The following DNAH9 variants were observed in gnomAD, a reference collection of about 807,000 sequenced individuals.
DNAH9 encodes the protein dynein axonemal heavy chain 9.
A neutral mutation model predicts 471.6 loss-of-function variants in DNAH9; 345 were observed. The observed-to-expected ratio is 0.73, with a 90% CI of 0.67 to 0.80. The LOEUF is 0.80. DNAH9 is among the 30% of genes least tolerant of loss of function. DNAH9 has a pLI of 0.00. For missense variants in DNAH9, 5,407 were observed against 5,609.2 expected, an observed-to-expected ratio of 0.96 and a Z score of 1.15; for synonymous variants, 2,093 against 2,123.6, an observed-to-expected ratio of 0.99 and a Z score of 0.40.
chr17:11,756,624 CTT>C lies in DNAH9; in HGVS notation c.6797_6798del (p.Phe2266Ter). The C allele has an allele frequency of 6.2e-7, 1 of 1,613,996 alleles. No individual in the cohort carries two copies. Among genetic ancestry groups the C allele is most frequent in the South Asian group, 1.1e-5 (1 of 91,076 alleles). ...IPLNPTMKLL[F>X]EISHLRTATP... is the part of the protein sequence containing the mutation. ...CTCTGAACCCCACCATGAAGCTCCT[CTT>C]TGAGATCAGCCACCTGCGCACAGCC... On this transcript the variant is annotated frameshift_variant, in exon 34 of 69. Coordinates refer to ENST00000262442, the MANE Select transcript of DNAH9 (RefSeq NM_001372.4). LOFTEE classifies it high-confidence loss of function.
chr17:11,868,033 G>T (rs560710081), intron 50 of DNAH9, among the ~76,000 whole-genome samples: 30 of 152,224 alleles, frequency 2.0e-4, no homozygotes, highest in African/African-American at 6.7e-4. Flanking sequence ...AAGTTGTCAC[G>T]TCCTCTGCCC....
intron 9 of DNAH9, among the ~76,000 whole-genome samples, chr17:11,638,543 C>G (rs947007674): frequency 2.0e-5 from 3 of 152,154 alleles, no homozygotes; most frequent in Non-Finnish European, 4.4e-5. Flanking sequence ...TGCCACGAGG[C>G]CCGGCTAATT....
At chr17:11,847,092 A>T (rs929082190) in intron 49 of DNAH9, among the ~76,000 whole-genome samples, 2 of 152,164 alleles carry the variant, frequency 1.3e-5, no homozygotes, top group Non-Finnish European at 2.9e-5. Context: ...TAAGTTCCTT[A>T]TAGCTGCTGG....
intron 27 of DNAH9, among the ~76,000 whole-genome samples, chr17:11,720,215 T>TC (rs2075029877): frequency 6.6e-6 from 1 of 152,164 alleles, no homozygotes; most frequent in Non-Finnish European, 1.5e-5. Flanking sequence ...TTCTTTTTTT[T>TC]CTTTGTGAGA....
At chr17:11,667,727 T>C (rs1350532034) in intron 15 of DNAH9, among the ~76,000 whole-genome samples, 1 of 152,152 alleles carries the variant, frequency 6.6e-6, no homozygotes, top group Non-Finnish European at 1.5e-5. Context: ...CACTGCCATG[T>C]CCAGGCTCTA....
At chr17:11,754,743 T>G (rs1967303763) in intron 33 of DNAH9, among the ~76,000 whole-genome samples, 1 of 152,230 alleles carries the variant, frequency 6.6e-6, no homozygotes, top group South Asian at 2.1e-4. Context: ...CTTTGTCAGA[T>G]GCATAGTTTG....
intron 61 of DNAH9, among the ~76,000 whole-genome samples, chr17:11,918,323 C>T (rs528609003): frequency 1.3e-5 from 2 of 152,252 alleles, no homozygotes; most frequent in Admixed American, 1.3e-4. Flanking sequence ...CCTCTACCTC[C>T]CAGGCTCAAG....
chr17:11,928,450 C>A (rs757759310), intron 62 of DNAH9, among the ~76,000 whole-genome samples: 3 of 152,246 alleles, frequency 2.0e-5, no homozygotes, highest in Non-Finnish European at 4.4e-5. Flanking sequence ...TGCATGCTTA[C>A]TTCCTCAAAT....
intron 67 of DNAH9, among the ~76,000 whole-genome samples, chr17:11,954,315 A>C (rs1212498344): frequency 6.6e-6 from 1 of 152,220 alleles, no homozygotes. Flanking sequence ...CACAAAACCT[A>C]TAGGTACAAG....
At chr17:11,848,210 A>C (rs1453325773) in intron 49 of DNAH9, among the ~76,000 whole-genome samples, 2 of 152,216 alleles carry the variant, frequency 1.3e-5, no homozygotes, top group Non-Finnish European at 2.9e-5. Context: ...AATTACAGTA[A>C]TCAAAAAGAA....
intron 10 of DNAH9, among the ~76,000 whole-genome samples, chr17:11,643,279 T>C (rs1172979692): frequency 6.6e-6 from 1 of 152,220 alleles, no homozygotes; most frequent in Non-Finnish European, 1.5e-5. Context: ...ATGTTATATG[T>C]ACGTCCATGT....
intron 42 of DNAH9, among the ~76,000 whole-genome samples, chr17:11,795,346 T>C (rs1305413041): frequency 6.6e-6 from 1 of 152,194 alleles, no homozygotes; most frequent in Non-Finnish European, 1.5e-5. Context: ...TTTCCACACA[T>C]ACTGCTTGTC....
rs1266915474 is a variant in DNAH9, at chr17:11,937,675, G to A, written c.12660+153G>A. Among the ~76,000 whole-genome samples the A allele has an allele frequency of 3.9e-5, 6 of 152,248 alleles. No homozygotes were observed. The highest frequency in any genetic ancestry group is 7.4e-5 in the Non-Finnish European group (5 of 68,002). ...AGCCTGGAGATGCTTGCCTGTCACC[G>A]CCAAGAGCCTCTCCCCTCCCGTCAT... is the stretch of plus-strand genomic sequence containing the variant. On this transcript the variant is annotated intron_variant, in intron 66 of 68. Transcript: ENST00000262442. This position sits in a 1 kb window ranked among gnomAD's most constrained non-coding sequence, Gnocchi z 4.1.
In DNAH9 at chr17:11,767,222, G is replaced by C. The variant is rs555400830; in HGVS notation, c.7171-1231G>C. Reference sequence around the variant, plus strand: ...CCTTCTAGAGGTGGCCTTCATCTCAGAGTTTCCATAGAAACCTAAAATCTG... The same window carrying C: ...CCTTCTAGAGGTGGCCTTCATCTCACAGTTTCCATAGAAACCTAAAATCTG... On this transcript the variant is annotated intron_variant, in intron 36 of 68. Transcript: ENST00000262442. Among the ~76,000 whole-genome samples, 4 of 152,280 alleles carry C rather than the reference G, an allele frequency of 2.6e-5. No homozygotes were observed. The South Asian group carries it at 8.3e-4, about 32-fold the overall frequency.
At chr17:11,637,635 C>T (rs1292534892) in intron 9 of DNAH9, among the ~76,000 whole-genome samples, 1 of 152,100 alleles carries the variant, frequency 6.6e-6, no homozygotes, top group East Asian at 1.9e-4. Context: ...AAATACATTC[C>T]TATAGTCAGT....
At chr17:11,883,814 C>T (rs1383620848) in intron 56 of DNAH9, 64 bp downstream of exon 56, 19 of 1,526,810 alleles carry the variant, frequency 1.2e-5, no homozygotes, top group East Asian at 2.3e-5. Flanking sequence ...AATTTTCTCT[C>T]CTCTTAGACA....
In DNAH9 at chr17:11,769,301, C is replaced by T. The variant is rs760570234; in HGVS notation, c.7524C>T (p.Asn2508=). Residue 2508 remains asparagine, a synonymous_variant, in exon 38 of 69, where the codon AAC becomes AAT. Transcript: ENST00000262442. ...ACCTGGTGAAAAACGTGCCATTCAA[C>T]TACTACACCACGTCAGCAATGCTGC... ...EAYLVKNVPF[N]YYTTSAMLQA... The T allele has an allele frequency of 7.4e-6, 12 of 1,613,742 alleles. No homozygotes were observed. The South Asian group carries it at 1.3e-4, about 18-fold the overall frequency.
intron 14 of DNAH9, among the ~76,000 whole-genome samples, chr17:11,654,607 AAGCC>A (rs1375892205): frequency 1.3e-5 from 2 of 152,054 alleles, no homozygotes; most frequent in Admixed American, 1.3e-4. Flanking sequence ...AAATGGCCAC[AAGCC>A]AAAATACTTA....
rs374265041 is a variant in DNAH9 at position 11,718,819 on chromosome 17, G to A, written c.5553-515G>A. ...TCAAGTGGAGTACTAGCTCAGCTGA[G>A]GGAGCCTCTGCTCACTCACCCCAGT... On this transcript the variant is annotated intron_variant, in intron 26 of 68. Coordinates refer to ENST00000262442, the MANE Select transcript of DNAH9 (RefSeq NM_001372.4). Among the ~76,000 whole-genome samples, 9 of 152,310 alleles carry A rather than the reference G, an allele frequency of 5.9e-5. No homozygotes were observed. In the South Asian group the frequency reaches 1.9e-3, roughly 32 times the overall value.
Sources: allele counts gnomAD v4.1 joint callset (sites outside exome capture counted in the v4.1 genomes callset), GRCh38; gene constraint gnomAD v4.1.1; non-coding constraint Gnocchi (gnomAD v3.1); transcripts MANE v1.5; gene names NCBI Gene and HGNC (gene_info 2026-07-23, HGNC 2026-07-21).